CNTN5: variants seen among roughly 807,000 people sequenced by gnomAD.
The protein encoded by CNTN5 is contactin 5.
A neutral mutation model predicts 129.1 loss-of-function variants in CNTN5; 77 were observed. The observed-to-expected ratio is 0.60, with a 90% confidence interval of 0.50 to 0.72. CNTN5 has a LOEUF of 0.72. Among genes scored for constraint, CNTN5 ranks in the 30% least tolerant of loss-of-function variants. CNTN5 has a pLI of 0.00. For missense variants in CNTN5, 1,478 were observed against 1,328.8 expected (o/e 1.11, Z -1.75); for synonymous variants, 509 against 465.6 (o/e 1.09, Z -1.20).
intron 1 of CNTN5, among the ~76,000 whole-genome samples, chr11:99,247,801 T>G (rs1861892108): frequency 6.6e-6 from 1 of 152,190 alleles, no homozygotes; most frequent in South Asian, 2.1e-4. Context: ...TCATCATTTT[T>G]TATGGCTGCA....
intron 4 of CNTN5, among the ~76,000 whole-genome samples, chr11:99,841,896 A>AT (rs1555131155): frequency 0.27 from 6,237 of 22,858 alleles, 182 homozygotes; most frequent in East Asian, 0.4. Flanking sequence ...ATATATATAT[A>AT]TTTTTTTTTT....
At chr11:100,207,475 C>G (rs1948941102) in intron 15 of CNTN5, among the ~76,000 whole-genome samples, 1 of 151,920 alleles carries the variant, frequency 6.6e-6, no homozygotes, top group South Asian at 2.1e-4. Context: ...GATTGCTTTA[C>G]CAGTGAAGAT....
chr11:99,959,369 C>T (rs1219391713), intron 8 of CNTN5, among the ~76,000 whole-genome samples: 7 of 152,124 alleles, frequency 4.6e-5, no homozygotes, highest in Non-Finnish European at 8.8e-5. Context: ...AAACTGTGTA[C>T]CTTATCAAAT....
intron 8 of CNTN5, among the ~76,000 whole-genome samples, chr11:99,970,616 C>T (rs912745891): frequency 6.6e-6 from 1 of 152,148 alleles, no homozygotes; most frequent in Non-Finnish European, 1.5e-5. Flanking sequence ...TAAAGGTTAG[C>T]TATTAACACA....
intron 1 of CNTN5, among the ~76,000 whole-genome samples, chr11:99,036,785 T>C (rs1036804795): frequency 8.5e-5 from 13 of 152,218 alleles, no homozygotes; most frequent in African/African-American, 1.2e-4. Context: ...AAAGAAAGTA[T>C]GTTTTTATTT....
At chr11:99,721,700 T>C (rs74532430) in intron 3 of CNTN5, among the ~76,000 whole-genome samples, 1 of 152,134 alleles carries the variant, frequency 6.6e-6, no homozygotes, top group African/African-American at 2.4e-5. Context: ...ATAGACAACC[T>C]ACAGAATGGG....
intron 2 of CNTN5, among the ~76,000 whole-genome samples, chr11:99,389,844 T>G (rs967813012): frequency 1.9e-4 from 29 of 152,198 alleles, no homozygotes; most frequent in South Asian, 6.2e-4. Flanking sequence ...TTCTTAATGA[T>G]TTCTTAATTA....
intron 1 of CNTN5, chr11:99,120,053 T>C (rs1002730595): frequency 1.3e-5 from 2 of 152,112 alleles, no homozygotes; most frequent in South Asian, 4.1e-4. Context: ...TTTGAAAAAA[T>C]TTTCTTCCAT....
intron 4 of CNTN5, among the ~76,000 whole-genome samples, chr11:99,843,034 C>T (rs1466218220): frequency 6.6e-6 from 1 of 152,082 alleles, no homozygotes. Flanking sequence ...AGTGTGAGAC[C>T]AGCCTGGCCA....
intron 2 of CNTN5, among the ~76,000 whole-genome samples, chr11:99,335,466 A>G (rs1441327928): frequency 6.6e-6 from 1 of 152,034 alleles, no homozygotes; most frequent in East Asian, 1.9e-4. Context: ...CTTTAGGCAT[A>G]CAATGAAAAT....
chr11:99,583,274 G>A (rs1949677284), intron 3 of CNTN5, among the ~76,000 whole-genome samples: 1 of 152,328 alleles, frequency 6.6e-6, no homozygotes, highest in Non-Finnish European at 1.5e-5. Context: ...GGGGGTCAGG[G>A]ACCCACTTGA....
At chr11:100,029,354 G>A (rs568888177) in intron 9 of CNTN5, among the ~76,000 whole-genome samples, 101 of 151,646 alleles carry the variant, frequency 6.7e-4, no homozygotes, top group Non-Finnish European at 1.2e-3. Flanking sequence ...AGGCTGAGGC[G>A]GGTGGATCAT....
At chr11:99,893,055 G>A (rs778511110) in intron 6 of CNTN5, among the ~76,000 whole-genome samples, 2 of 152,070 alleles carry the variant, frequency 1.3e-5, no homozygotes, top group Admixed American at 6.6e-5. Context: ...GGGAGTCTCA[G>A]CAAATGTTTC....
chr11:100,256,354 T>TAAGTAC (rs1386938476), intron 17 of CNTN5, among the ~76,000 whole-genome samples: 3 of 152,214 alleles, frequency 2.0e-5, no homozygotes, highest in Non-Finnish European at 4.4e-5. Context: ...TTTTAGTGTG[T>TAAGTAC]ACTTATATGA....
intron 1 of CNTN5, among the ~76,000 whole-genome samples, chr11:99,245,528 C>T (rs1197884909): frequency 6.6e-6 from 1 of 152,020 alleles, no homozygotes; most frequent in African/African-American, 2.4e-5. Flanking sequence ...ACCATGTTGG[C>T]CAGGCTGATC....
At chr11:99,491,845 G>T (rs1946047561) in intron 2 of CNTN5, among the ~76,000 whole-genome samples, 1 of 152,094 alleles carries the variant, frequency 6.6e-6, no homozygotes, top group Non-Finnish European at 1.5e-5. Flanking sequence ...CATATTAAAA[G>T]ATAAAATATT....
intron 9 of CNTN5, chr11:100,004,108 A>G (rs11605832): frequency 6.6e-6 from 1 of 152,020 alleles, no homozygotes; most frequent in Non-Finnish European, 1.5e-5. Context: ...CCCACAGCTC[A>G]CTTGAGCTGC....
intron 3 of CNTN5, among the ~76,000 whole-genome samples, chr11:99,761,695 T>C (rs898713173): frequency 5.3e-5 from 8 of 151,866 alleles, no homozygotes; most frequent in African/African-American, 1.5e-4. Flanking sequence ...TCCAAGTCTT[T>C]GCTATTGTGA....
intron 13 of CNTN5, among the ~76,000 whole-genome samples, chr11:100,088,323 A>C (rs1944633338): frequency 6.6e-6 from 1 of 152,070 alleles, no homozygotes; most frequent in Non-Finnish European, 1.5e-5. Flanking sequence ...TCATACCTAG[A>C]GGAACTAGAT....
Sources: allele counts gnomAD v4.1 joint callset (sites outside exome capture counted in the v4.1 genomes callset), GRCh38; gene constraint gnomAD v4.1.1; transcripts MANE v1.5; gene names NCBI Gene and HGNC (gene_info 2026-07-23, HGNC 2026-07-21).